SNTG2: variants seen among roughly 807,000 people sequenced by gnomAD.
SNTG2 encodes the protein syntrophin gamma 2, also known as gamma-2-syntrophin.
SNTG2 carries 74 observed loss-of-function variants against 70.9 expected under a neutral mutation model. That is an observed-to-expected ratio of 1.04 (90% CI 0.86 to 1.27). SNTG2 has a LOEUF of 1.27. SNTG2 is among the 50% of genes most tolerant of loss of function. The probability of loss-of-function intolerance (pLI) is 0.00; values close to 1 mark genes in which losing one functional copy is unlikely to be tolerated. For missense variants in SNTG2, 717 were observed against 690.7 expected (o/e 1.04, Z -0.43); for synonymous variants, 278 against 273.8 (o/e 1.02, Z -0.15).
At chr2:1,041,166 C>G (rs1661415357) in intron 1 of SNTG2, among the ~76,000 whole-genome samples, 2 of 152,206 alleles carry the variant, frequency 1.3e-5, no homozygotes, top group Admixed American at 6.5e-5. Flanking sequence ...CAGACACCTT[C>G]ACCTGCAGTT....
intron 14 of SNTG2, among the ~76,000 whole-genome samples, chr2:1,273,497 C>A (rs941981632): frequency 6.6e-6 from 1 of 151,922 alleles, no homozygotes; most frequent in Non-Finnish European, 1.5e-5. Context: ...ACAAGCACAG[C>A]CAAAAAGAGA....
At chr2:1,306,834 C>T (rs956314129) in intron 14 of SNTG2, among the ~76,000 whole-genome samples, 6 of 151,054 alleles carry the variant, frequency 4.0e-5, no homozygotes, top group Non-Finnish European at 5.9e-5. Context: ...CTGTGAGCCG[C>T]GCTGTGTGCG....
At chr2:1,174,918 G>T (rs1184553956) in intron 8 of SNTG2, among the ~76,000 whole-genome samples, 9 of 152,006 alleles carry the variant, frequency 5.9e-5, no homozygotes, top group Admixed American at 5.2e-4. Context: ...TATACACTTG[G>T]TAATAATATT....
At chr2:1,278,510 C>A (rs557707382) in intron 14 of SNTG2, among the ~76,000 whole-genome samples, 1 of 152,298 alleles carries the variant, frequency 6.6e-6, no homozygotes, top group Admixed American at 6.5e-5. Context: ...TGTTACCTGA[C>A]CATCTGCTAA....
At chr2:1,312,335 GC>G (rs1681039046) in intron 15 of SNTG2, among the ~76,000 whole-genome samples, 1 of 152,208 alleles carries the variant, frequency 6.6e-6, no homozygotes, top group Non-Finnish European at 1.5e-5. Context: ...GGCCGGCGGG[GC>G]CTCTGGACGA....
chr2:1,267,303 G>T, intron 13 of SNTG2, 62 bp from the exon 14 acceptor site: 2 of 1,459,544 alleles, frequency 1.4e-6, no homozygotes, highest in Non-Finnish European at 1.9e-6. Context: ...CCACACCAGG[G>T]CCCTCAGCAT....
intron 1 of SNTG2, among the ~76,000 whole-genome samples, chr2:968,325 C>G (rs1660635239): frequency 1.3e-5 from 2 of 151,844 alleles, no homozygotes; most frequent in Admixed American, 1.3e-4. Context: ...GGTGATGCCC[C>G]TTTTCCATTT....
chr2:1,079,770 A>C (rs10185420), intron 1 of SNTG2, among the ~76,000 whole-genome samples: 11,211 of 152,278 alleles, frequency 0.074, 686 homozygotes, highest in South Asian at 0.16. Context: ...AGCAATGGTG[A>C]GTGGTCAGCG....
intron 6 of SNTG2, among the ~76,000 whole-genome samples, chr2:1,144,812 A>T (rs1037850041): frequency 1.3e-5 from 2 of 152,186 alleles, no homozygotes; most frequent in African/African-American, 4.8e-5. Context: ...GAATTATGGG[A>T]GCTACAATCC....
intron 16 of SNTG2, among the ~76,000 whole-genome samples, chr2:1,338,045 T>C (rs963319024): frequency 6.6e-6 from 1 of 152,206 alleles, no homozygotes; most frequent in Non-Finnish European, 1.5e-5. Flanking sequence ...CTGTGCTCTC[T>C]GGTGTATTCC....
At chr2:1,050,031 G>A (rs1164456158) in intron 1 of SNTG2, among the ~76,000 whole-genome samples, 1 of 152,154 alleles carries the variant, frequency 6.6e-6, no homozygotes, top group African/African-American at 2.4e-5. Flanking sequence ...ATCCTTGCCA[G>A]TGTTTCTCCT....
chr2:1,189,193 T>TA (rs1370311796), intron 8 of SNTG2, among the ~76,000 whole-genome samples: 2 of 152,122 alleles, frequency 1.3e-5, no homozygotes, highest in East Asian at 3.9e-4. Flanking sequence ...AAAATATAAA[T>TA]AAAGTATAAG....
At chr2:1,333,314 T>C (rs1659627877) in intron 16 of SNTG2, among the ~76,000 whole-genome samples, 1 of 152,026 alleles carries the variant, frequency 6.6e-6, no homozygotes, top group African/African-American at 2.4e-5. Flanking sequence ...CACAGACAAA[T>C]GGAAACACAT....
intron 1 of SNTG2, among the ~76,000 whole-genome samples, chr2:1,001,539 C>G (rs1219615874): frequency 2.0e-5 from 3 of 151,632 alleles, no homozygotes. Context: ...AGTAAAATAC[C>G]TAGGATTATA....
intron 1 of SNTG2, among the ~76,000 whole-genome samples, chr2:1,049,146 C>A (rs373401808): frequency 3.9e-5 from 6 of 152,154 alleles, no homozygotes; most frequent in Middle Eastern, 3.2e-3. Flanking sequence ...AATCAGTGAA[C>A]CTCCATTGAC....
At chr2:1,357,350 T>C (rs866462728) in intron 16 of SNTG2, among the ~76,000 whole-genome samples, 1 of 152,160 alleles carries the variant, frequency 6.6e-6, no homozygotes, top group African/African-American at 2.4e-5. Context: ...ACTTTTATAA[T>C]GAAAGACTGC....
chr2:1,063,614 C>G (rs1662964551), intron 1 of SNTG2, among the ~76,000 whole-genome samples: 1 of 152,016 alleles, frequency 6.6e-6, no homozygotes, highest in Non-Finnish European at 1.5e-5. Context: ...ACAGAAAGTA[C>G]AAACAATTCA....
chr2:1,183,289 T>C (rs1370488236), intron 8 of SNTG2, among the ~76,000 whole-genome samples: 1 of 152,208 alleles, frequency 6.6e-6, no homozygotes, highest in African/African-American at 2.4e-5. Flanking sequence ...TGGGGCCTAT[T>C]ACATATAAAA....
At chr2:1,208,946 C>A (rs1673851978) in intron 8 of SNTG2, among the ~76,000 whole-genome samples, 157 bp from the exon 9 acceptor site, 1 of 151,588 alleles carries the variant, frequency 6.6e-6, no homozygotes, top group Non-Finnish European at 1.5e-5. Flanking sequence ...AAGAGCACTT[C>A]TTTCTTTCCA....
Sources: gnomAD v4.1 joint callset for allele counts (sites outside exome capture counted in the v4.1 genomes callset) on GRCh38, gnomAD v4.1.1 for gene constraint, MANE v1.5 for transcripts, NCBI Gene and HGNC (gene_info 2026-07-23, HGNC 2026-07-21) for gene names.